Variants in WDPCP observed in about 807,000 individuals in gnomAD.
WDPCP encodes the protein WD repeat containing planar cell polarity effector.
In WDPCP, 71 loss-of-function variants were observed where a neutral mutation model predicts 93.1. The observed-to-expected ratio is 0.76, with a 90% confidence interval of 0.63 to 0.93. The LOEUF is 0.93. Ranked by LOEUF, WDPCP falls within the 40% of genes least tolerant of loss-of-function variation. WDPCP has a pLI of 0.00. For synonymous variants in WDPCP, 315 were observed against 315.0 expected (o/e 1.00, Z 0.00); for missense variants, 844 against 887.4 (o/e 0.95, Z 0.62).
chr2:63,180,342 C>G (rs1213043998), intron 14 of WDPCP, among the ~76,000 whole-genome samples: 1 of 152,132 alleles, frequency 6.6e-6, no homozygotes, highest in Non-Finnish European at 1.5e-5. Flanking sequence ...ATCCTTTACC[C>G]ACCTCCTACA....
chr2:63,129,933 A>G (rs1670181133), intron 17 of WDPCP, among the ~76,000 whole-genome samples: 1 of 152,228 alleles, frequency 6.6e-6, no homozygotes, highest in Admixed American at 6.5e-5. Context: ...TTTACAAGAA[A>G]AAAAGTCTGT....
intron 13 of WDPCP, among the ~76,000 whole-genome samples, chr2:63,293,365 T>C (rs1684589721): frequency 6.6e-6 from 1 of 152,120 alleles, no homozygotes; most frequent in Admixed American, 6.6e-5. Flanking sequence ...CCTAAAACAA[T>C]TGTAAAAACC....
At chr2:63,155,831 G>T (rs559583119) in intron 15 of WDPCP, among the ~76,000 whole-genome samples, 8 of 152,030 alleles carry the variant, frequency 5.3e-5, no homozygotes, top group Non-Finnish European at 1.2e-4. Flanking sequence ...TAGCTTCTTT[G>T]TCTCTTTGTA....
At position 63,313,853 on chromosome 2, in the gene WDPCP, C is replaced by CAT. The variant is rs1239251914; in HGVS notation, c.1749-544_1749-543dup. ...TATCTGGCAATACTAATTATTCATA[C>CAT]ATATATATATATATATATATATATA... On this transcript the variant is annotated intron_variant, in intron 12 of 17. Coordinates refer to ENST00000272321, the MANE Select transcript of WDPCP (RefSeq NM_015910.7). Among the ~76,000 whole-genome samples, 289 of 38,496 alleles carry CAT rather than the reference C, an allele frequency of 7.5e-3. 7 individuals are homozygous for CAT. The highest frequency in any genetic ancestry group is 0.01 in the Admixed American group (26 of 2,574). The allele number at this position is 38,496 out of a possible 152,430, so 25.3% of individuals were successfully genotyped here. A position where few individuals can be genotyped will look rare whatever the true frequency, so the allele number is the denominator to read the frequency against.
intron 2 of WDPCP, among the ~76,000 whole-genome samples, chr2:63,699,857 T>C (rs1254059954): frequency 2.0e-5 from 3 of 152,184 alleles, no homozygotes; most frequent in Non-Finnish European, 4.4e-5. Context: ...TTAACTGGGA[T>C]AGTATTATAC....
At chr2:63,799,893 C>T (rs937146700) in intron 2 of WDPCP, among the ~76,000 whole-genome samples, 1 of 152,144 alleles carries the variant, frequency 6.6e-6, no homozygotes, top group African/African-American at 2.4e-5. Context: ...GGACTATCCT[C>T]TGTTCTGAAA....
chr2:63,772,918 C>G (rs759565929), intron 2 of WDPCP, among the ~76,000 whole-genome samples: 1 of 151,976 alleles, frequency 6.6e-6, no homozygotes, highest in Non-Finnish European at 1.5e-5. Context: ...CACTGTGATT[C>G]ACTATTTTTC....
intron 15 of WDPCP, among the ~76,000 whole-genome samples, chr2:63,168,119 A>G (rs1673124216): frequency 6.6e-6 from 1 of 151,732 alleles, no homozygotes; most frequent in South Asian, 2.1e-4. Context: ...AAAAAAAAAA[A>G]AAAAAAAAAG....
intron 2 of WDPCP, among the ~76,000 whole-genome samples, chr2:63,776,206 ATAAGCCACCGACAGG>A (rs1670300849): frequency 6.6e-6 from 1 of 152,134 alleles, no homozygotes; most frequent in South Asian, 2.1e-4. Flanking sequence ...AAATGAAAAG[ATAAGCCACCGACAGG>A]AAGAAAATAT....
upstream of WDPCP, chr2:63,589,082 C>T: frequency 1.9e-6 from 3 of 1,614,128 alleles, no homozygotes; most frequent in Non-Finnish European, 2.5e-6. Flanking sequence ...CCACCTCTGG[C>T]CCTCGCGCCC....
At position 63,439,690 on chromosome 2, in the gene WDPCP, G is replaced by C; in HGVS notation, c.499+67C>G. 4 of 1,401,932 alleles carry C rather than the reference G, an allele frequency of 2.9e-6. 1 individual carries two copies. In the South Asian group the frequency reaches 4.6e-5, roughly 16 times the overall value. The allele number at this position is 1,401,932 out of a possible 1,614,324, so 86.8% of individuals were successfully genotyped here. A position where few individuals can be genotyped will look rare whatever the true frequency, so the allele number is the denominator to read the frequency against. On this transcript the variant is annotated intron_variant, in intron 7 of 17. Transcript: ENST00000272321. ...CCCAGTGGTAATAATTAGTCTACCT[G>C]TTGACACACTATTTCTCCTGCCCCA...
intron 14 of WDPCP, among the ~76,000 whole-genome samples, chr2:63,249,899 C>T (rs1680581996): frequency 1.3e-5 from 2 of 152,242 alleles, no homozygotes; most frequent in African/African-American, 4.8e-5. Flanking sequence ...GCACTTATCA[C>T]ACACTGTGGC....
intron 1 of WDPCP, among the ~76,000 whole-genome samples, chr2:63,583,465 G>A (rs1708624276): frequency 6.6e-6 from 1 of 152,054 alleles, no homozygotes; most frequent in Admixed American, 6.6e-5. Flanking sequence ...GGGCGGATCA[G>A]GAAGTCAAGA....
intron 6 of WDPCP, among the ~76,000 whole-genome samples, chr2:63,449,174 C>A (rs1036129675): frequency 2.0e-5 from 3 of 152,104 alleles, no homozygotes; most frequent in African/African-American, 7.2e-5. Context: ...AAAAAAAAAT[C>A]TATCACAAAA....
At chr2:63,257,668 A>G (rs1380472531) in intron 14 of WDPCP, among the ~76,000 whole-genome samples, 1 of 152,184 alleles carries the variant, frequency 6.6e-6, no homozygotes, top group East Asian at 1.9e-4. Context: ...TGGGTACACT[A>G]AGCTTTCTGG....
At chr2:63,342,701 C>G (rs1688931378) in intron 12 of WDPCP, among the ~76,000 whole-genome samples, 1 of 152,050 alleles carries the variant, frequency 6.6e-6, no homozygotes, top group African/African-American at 2.4e-5. Context: ...TATTGTATCC[C>G]CATTTACATA....
At chr2:63,318,664 CA>C (rs1301829593) in intron 12 of WDPCP, among the ~76,000 whole-genome samples, 1 of 151,982 alleles carries the variant, frequency 6.6e-6, no homozygotes, top group Non-Finnish European at 1.5e-5. Flanking sequence ...AATACAGGAC[CA>C]AAAAACCAAA....
chr2:63,400,894 G>A (rs1694096908), intron 10 of WDPCP, among the ~76,000 whole-genome samples: 1 of 152,162 alleles, frequency 6.6e-6, no homozygotes, highest in African/African-American at 2.4e-5. Flanking sequence ...AAGCAATGGG[G>A]AGAGGATCCC....
chr2:63,291,386 A>G (rs1352642722), intron 13 of WDPCP, among the ~76,000 whole-genome samples: 1 of 152,194 alleles, frequency 6.6e-6, no homozygotes, highest in Non-Finnish European at 1.5e-5. Flanking sequence ...AGTCAATTAC[A>G]GTTTTGTATG....
Sources: gnomAD v4.1 joint callset for allele counts (sites outside exome capture counted in the v4.1 genomes callset) on GRCh38, gnomAD v4.1.1 for gene constraint, MANE v1.5 for transcripts, NCBI Gene and HGNC (gene_info 2026-07-23, HGNC 2026-07-21) for gene names.